MKKS: variants seen among roughly 807,000 people sequenced by gnomAD.
MKKS encodes molecular chaperone MKKS.
A neutral mutation model predicts 33.2 loss-of-function variants in MKKS; 29 were observed. The observed-to-expected ratio is 0.87, with a 90% CI of 0.65 to 1.19. The LOEUF (loss-of-function observed/expected upper bound fraction) is 1.19. Ranked by LOEUF, MKKS falls within the 50% of genes most tolerant of loss-of-function variation. MKKS has a pLI of 0.00. For synonymous variants in MKKS, 260 were observed against 244.0 expected (o/e 1.07, Z -0.61); for missense variants, 661 against 662.3 (o/e 1.00, Z 0.02).
chr20:10,414,064 A>T (rs1157707624), intron 2 of MKKS, 133 bp from the exon 3 acceptor site: 6 of 372,392 alleles, frequency 1.6e-5, no homozygotes, highest in Non-Finnish European at 9.4e-6. Context: ...AACGTCCAGA[A>T]AATGAGAAAG....
chr20:10,421,204 C>T (rs893972966), intron 1 of MKKS, among the ~76,000 whole-genome samples: 1 of 152,010 alleles, frequency 6.6e-6, no homozygotes, highest in Non-Finnish European at 1.5e-5. Flanking sequence ...CTGAGGCAGG[C>T]AGATTGCCTG....
At position 10,413,836 on chromosome 20, in the gene MKKS, A is replaced by G; in HGVS notation, c.-322T>C. 1 of 458,064 alleles carries G rather than the reference A, an allele frequency of 2.2e-6. No homozygotes were observed. Among genetic ancestry groups the G allele is most frequent in the Non-Finnish European group, 3.8e-6 (1 of 260,118 alleles). The allele number at this position is 458,064 out of a possible 1,614,324, so 28.4% of individuals were successfully genotyped here. ...GTTCCAAGATGGACACCTATGAAAG[A>G]TATCCCAGCTACAAGAAGCCAGTTC... On this transcript the variant is annotated 5_prime_UTR_variant, in exon 3 of 6. Transcript: ENST00000347364.
At chr20:10,417,416 G>T (rs1486499854) in intron 2 of MKKS, among the ~76,000 whole-genome samples, 1 of 152,120 alleles carries the variant, frequency 6.6e-6, no homozygotes, top group Non-Finnish European at 1.5e-5. Flanking sequence ...TTTGAGACCA[G>T]CCTGGGCAAC....
At chr20:10,425,063 AAAAG>A (rs200405969) in intron 1 of MKKS, among the ~76,000 whole-genome samples, 5,120 of 151,788 alleles carry the variant, frequency 0.034, 261 homozygotes, top group East Asian at 0.27. Context: ...CAAAAAAAAA[AAAAG>A]AAAGAAAGAA....
intron 2 of MKKS, among the ~76,000 whole-genome samples, chr20:10,414,867 C>T (rs571570297): frequency 8.5e-5 from 13 of 152,226 alleles, no homozygotes; most frequent in African/African-American, 1.4e-4. Flanking sequence ...TATCATTTTA[C>T]GTTATCAATC....
At chr20:10,411,221 T>C (rs370885009) in intron 3 of MKKS, among the ~76,000 whole-genome samples, 2 of 151,808 alleles carry the variant, frequency 1.3e-5, no homozygotes, top group Non-Finnish European at 2.9e-5. Flanking sequence ...CTCCTGACCT[T>C]GTGATCCGCT....
At chr20:10,422,530 T>C (rs1210708428) in intron 1 of MKKS, among the ~76,000 whole-genome samples, 2 of 152,060 alleles carry the variant, frequency 1.3e-5, no homozygotes, top group Admixed American at 6.5e-5. Flanking sequence ...GCTACTTACT[T>C]ATAGGAGGGA....
intron 2 of MKKS, among the ~76,000 whole-genome samples, chr20:10,418,476 T>G (rs1353565607): frequency 6.6e-6 from 1 of 152,176 alleles, no homozygotes. Flanking sequence ...CTTCAACTAT[T>G]CGGAATTTGT....
intron 1 of MKKS, 148 bp downstream of exon 1, chr20:10,433,960 G>A (rs954393369): frequency 6.6e-6 from 1 of 152,296 alleles, no homozygotes; most frequent in Non-Finnish European, 1.5e-5. Flanking sequence ...CAGAGAGCCA[G>A]CCTCCTCCTT....
At position 10,420,704 on chromosome 20, in the gene MKKS, C is replaced by G. The variant is rs964557895; in HGVS notation, c.-594G>C. 1.3e-5 allele frequency: 2 copies of G among 151,792 alleles called. No individual in the cohort carries two copies. Among genetic ancestry groups the G allele is most frequent in the African/African-American group, 4.8e-5 (2 of 41,328 alleles). The allele number at this position is 151,792 out of a possible 1,614,324, so 9.4% of individuals were successfully genotyped here. A position where few individuals can be genotyped will look rare whatever the true frequency, so the allele number is the denominator to read the frequency against. On this transcript the variant is annotated 5_prime_UTR_variant, in exon 2 of 6. Transcript: ENST00000347364. ...ACTAAAGGGACCATAACAACCAAAA[C>G]TTTGTAGTCTCTCCACAAGTTCCGA...
rs1456291861 is a variant in MKKS at position 10,404,228 on chromosome 20, A to G, written c.*1019T>C. 1 of 151,430 alleles carries G rather than the reference A, an allele frequency of 6.6e-6. No individual in the cohort carries two copies. The highest frequency in any genetic ancestry group is 6.6e-5 in the Admixed American group (1 of 15,120). 9.4% of individuals were successfully genotyped at this position (151,430 alleles called of 1,614,324 possible). ...TGGGAGATTTTCTACTTTCTTTTTC[A>G]TACTATTGACTAGAGAAATAACTTC... On this transcript the variant is annotated 3_prime_UTR_variant, in exon 6 of 6. Coordinates refer to ENST00000347364, the MANE Select transcript of MKKS (RefSeq NM_170784.3).
intron 2 of MKKS, among the ~76,000 whole-genome samples, chr20:10,418,022 A>AT (rs1254643570): frequency 6.6e-6 from 1 of 152,192 alleles, no homozygotes; most frequent in Non-Finnish European, 1.5e-5. Flanking sequence ...ACCTGAAAAG[A>AT]TTTTTTATAG....
chr20:10,403,020 C>T lies in MKKS; in HGVS notation c.*2227G>A, dbSNP rs1053258563. On this transcript the variant is annotated 3_prime_UTR_variant, in exon 6 of 6. Transcript: ENST00000347364. ...TTTTGCATCAGGGTCTCTCGTGTGG[C>T]TCCAGTGGTAGGGCTATACTCAACT... is the stretch of plus-strand genomic sequence containing the variant. The T allele has an allele frequency of 5.3e-5, 8 of 152,164 alleles. No homozygotes were observed. The highest frequency in any genetic ancestry group is 7.3e-5 in the Non-Finnish European group (5 of 68,042). The allele number at this position is 152,164 out of a possible 1,614,324, so 9.4% of individuals were successfully genotyped here. A position where few individuals can be genotyped will look rare whatever the true frequency, so the allele number is the denominator to read the frequency against.
chr20:10,409,833 T>C (rs2064868347), intron 3 of MKKS, among the ~76,000 whole-genome samples: 1 of 151,116 alleles, frequency 6.6e-6, no homozygotes, highest in Non-Finnish European at 1.5e-5. Flanking sequence ...TAGCCGGGCG[T>C]GGTGGCAGGT....
chr20:10,426,032 T>C (rs998184077), intron 1 of MKKS, among the ~76,000 whole-genome samples: 3 of 152,254 alleles, frequency 2.0e-5, no homozygotes, highest in Non-Finnish European at 4.4e-5. Context: ...GCAATCTTAA[T>C]GTGGATTATG....
rs181224516 is a variant in MKKS at position 10,414,532 on chromosome 20, T to G, written c.-417-601A>C. Among the ~76,000 whole-genome samples the G allele has an allele frequency of 3.3e-5, 5 of 152,242 alleles. No individual in the cohort carries two copies. The East Asian group carries it at 9.6e-4, about 29-fold the overall frequency. ...TGCCCATCTCTGCCTCCCAAAGTGCTGGGATTACAAGCGTGAGCCACTGTG... is the reference window on the plus strand; with the variant it reads ...TGCCCATCTCTGCCTCCCAAAGTGCGGGGATTACAAGCGTGAGCCACTGTG... On this transcript the variant is annotated intron_variant, in intron 2 of 5. Transcript: ENST00000347364.
At chr20:10,422,062 A>G (rs2064984309) in intron 1 of MKKS, among the ~76,000 whole-genome samples, 1 of 152,188 alleles carries the variant, frequency 6.6e-6, no homozygotes, top group African/African-American at 2.4e-5. Context: ...TTTAAGACCA[A>G]AACACAATAG....
intron 1 of MKKS, among the ~76,000 whole-genome samples, chr20:10,425,210 T>C (rs895661959): frequency 2.6e-5 from 4 of 152,234 alleles, no homozygotes; most frequent in African/African-American, 9.6e-5. Flanking sequence ...ATGATACACA[T>C]GCTGTTTTGT....
Position 10,401,835 on chromosome 20 carries a change from TA to T in MKKS, c.*3411del, listed in dbSNP as rs545638752. The T allele has an allele frequency of 1.1e-4, 17 of 152,324 alleles. No homozygotes were observed. The South Asian group carries it at 3.1e-3, about 28-fold the overall frequency. 9.4% of individuals were successfully genotyped at this position (152,324 alleles called of 1,614,324 possible). ...TATAGTTTAAATATCTTGTGTAAAA[TA>T]CTTCACTTACATAAAGTGCTTCAGT... is the stretch of plus-strand genomic sequence containing the variant. On this transcript the variant is annotated 3_prime_UTR_variant, in exon 6 of 6. Coordinates refer to ENST00000347364, the MANE Select transcript of MKKS (RefSeq NM_170784.3).
Sources: allele counts gnomAD v4.1 joint callset (sites outside exome capture counted in the v4.1 genomes callset), GRCh38; gene constraint gnomAD v4.1.1; transcripts MANE v1.5; gene names NCBI Gene and HGNC (gene_info 2026-07-23, HGNC 2026-07-21).